The following CHMP4C variants were observed in gnomAD, a reference collection of about 807,000 sequenced individuals.
The protein encoded by CHMP4C is SNF7 homolog associated with Alix 3.
Under a neutral mutation model 29.0 loss-of-function variants are expected in CHMP4C, and 28 were observed. The observed-to-expected ratio is 0.97, with a 90% confidence interval of 0.72 to 1.32. The LOEUF (loss-of-function observed/expected upper bound fraction) is 1.32. Ranked by LOEUF, CHMP4C falls within the 40% of genes most tolerant of loss-of-function variation. The pLI is 0.00. For synonymous variants in CHMP4C, 106 were observed against 102.4 expected (o/e 1.04, Z -0.21); for missense variants, 291 against 281.0 (o/e 1.04, Z -0.25).
intron 2 of CHMP4C, 94 bp from the exon 3 acceptor site, chr8:81,755,274 TTA>T: frequency 7.6e-6 from 4 of 527,024 alleles, no homozygotes; most frequent in South Asian, 3.9e-5. Context: ...AACTAAGAAT[TTA>T]TATTAAATGA....
chr8:81,755,115 G>A (rs1336315028), intron 2 of CHMP4C, among the ~76,000 whole-genome samples: 5 of 152,018 alleles, frequency 3.3e-5, no homozygotes, highest in African/African-American at 4.8e-5. Context: ...TACAAATAGT[G>A]ATAGTTATAA....
chr8:81,752,468 T>C (rs1460201744), intron 1 of CHMP4C, among the ~76,000 whole-genome samples: 2 of 152,176 alleles, frequency 1.3e-5, no homozygotes, highest in African/African-American at 4.8e-5. Flanking sequence ...TTGTGCCATC[T>C]AATCCTTGAA....
intron 1 of CHMP4C, 171 bp downstream of exon 1, chr8:81,732,987 A>G (rs1200879112): frequency 6.0e-6 from 3 of 498,536 alleles, no homozygotes; most frequent in East Asian, 6.5e-5. Flanking sequence ...TGAGCTAGAC[A>G]CTGGCACTGA....
In CHMP4C at chr8:81,758,586, T is replaced by C; in HGVS notation, c.*42T>C. The C allele has an allele frequency of 1.6e-6, 2 of 1,278,204 alleles. No individual in the cohort carries two copies. The highest frequency in any genetic ancestry group is 2.3e-6 in the Non-Finnish European group (2 of 882,904). 79.2% of individuals were successfully genotyped at this position (1,278,204 alleles called of 1,614,324 possible). On this transcript the variant is annotated 3_prime_UTR_variant, in exon 5 of 5. Coordinates refer to ENST00000297265, the MANE Select transcript of CHMP4C (RefSeq NM_152284.4). ...GATACCTAAATTAATGAGCTATAGA[T>C]AAAATATAAAAAATGTTTTTACCAA... is the stretch of plus-strand genomic sequence containing the variant.
At chr8:81,755,615 G>A (rs1005472389) in intron 3 of CHMP4C, 131 bp downstream of exon 3, 1 of 522,482 alleles carries the variant, frequency 1.9e-6, no homozygotes, top group Non-Finnish European at 3.4e-6. Context: ...CTTCTCTTAA[G>A]AGAAAAATAA....
chr8:81,743,883 T>C (rs1774706610), intron 1 of CHMP4C, among the ~76,000 whole-genome samples: 1 of 152,214 alleles, frequency 6.6e-6, no homozygotes, highest in Non-Finnish European at 1.5e-5. Context: ...GAGAGGGCAC[T>C]GATCAGCCAG....
chr8:81,753,003 A>G (rs1808925834), intron 1 of CHMP4C, 61 bp from the exon 2 acceptor site: 3 of 1,438,278 alleles, frequency 2.1e-6, no homozygotes, highest in Middle Eastern at 1.8e-4. Context: ...TGCTGAGCAA[A>G]CATCTCTTGA....
At position 81,753,166 on chromosome 8, in the gene CHMP4C, A is replaced by C. The variant is rs751281896; in HGVS notation, c.293A>C (p.Asn98Thr). 16 of 1,612,610 alleles carry C rather than the reference A, an allele frequency of 9.9e-6. No individual in the cohort carries two copies. The highest frequency in any genetic ancestry group is 1.4e-5 in the Non-Finnish European group (16 of 1,179,104). ...GAGTTCCAGAGAGAAGCCCTGGAGA[A>C]CTCACACACCAACACTGAGGTGTTG... ...TIEFQREALE[N>T]SHTNTEVLRN... is the part of the protein sequence containing the mutation. The change falls in exon 2 of 5, where the codon AAC becomes ACC. Residue 98 changes from asparagine (N) to threonine (T), a missense_variant. Coordinates refer to ENST00000297265, the MANE Select transcript of CHMP4C (RefSeq NM_152284.4).
chr8:81,758,007 T>G (rs1808991821), intron 3 of CHMP4C, 135 bp from the exon 4 acceptor site: 1 of 803,446 alleles, frequency 1.2e-6, no homozygotes, highest in South Asian at 1.9e-5. Flanking sequence ...AAAAAAGACT[T>G]AGTTTTAAAA....
intron 1 of CHMP4C, among the ~76,000 whole-genome samples, chr8:81,742,543 T>G (rs1190889847): frequency 1.3e-5 from 2 of 152,226 alleles, no homozygotes; most frequent in African/African-American, 2.4e-5. Context: ...TTATTCTTTA[T>G]TTAAATATGA....
chr8:81,756,854 G>A (rs1808979307), intron 3 of CHMP4C, among the ~76,000 whole-genome samples: 1 of 152,124 alleles, frequency 6.6e-6, no homozygotes, highest in African/African-American at 2.4e-5. Context: ...GCAGAAATAG[G>A]ACGCCAGGGT....
intron 1 of CHMP4C, among the ~76,000 whole-genome samples, chr8:81,742,088 G>A (rs1808768811): frequency 6.6e-6 from 1 of 152,308 alleles, no homozygotes; most frequent in East Asian, 1.9e-4. Context: ...GTTTAAAGCA[G>A]TAAGAGCTAT....
chr8:81,744,396 T>C (rs767324771), intron 1 of CHMP4C, among the ~76,000 whole-genome samples: 1 of 152,198 alleles, frequency 6.6e-6, no homozygotes, highest in Non-Finnish European at 1.5e-5. Context: ...TATTTATCAA[T>C]GTGTTGAGTA....
At chr8:81,737,984 T>C (rs1230293271) in intron 1 of CHMP4C, among the ~76,000 whole-genome samples, 1 of 152,166 alleles carries the variant, frequency 6.6e-6, no homozygotes, top group Non-Finnish European at 1.5e-5. Context: ...CTTGCCTACC[T>C]TTTTCACCCT....
chr8:81,751,825 C>T (rs971386098), intron 1 of CHMP4C, among the ~76,000 whole-genome samples: 5 of 151,678 alleles, frequency 3.3e-5, no homozygotes, highest in African/African-American at 1.2e-4. Flanking sequence ...ACTCATGTAG[C>T]GAAATATAGG....
intron 1 of CHMP4C, among the ~76,000 whole-genome samples, chr8:81,748,452 A>G (rs1032760945): frequency 4.6e-5 from 7 of 152,236 alleles, no homozygotes; most frequent in Admixed American, 3.3e-4. Flanking sequence ...TAGAGATTGC[A>G]GTAAAGACAG....
At chr8:81,737,983 C>G (rs988683775) in intron 1 of CHMP4C, among the ~76,000 whole-genome samples, 6 of 152,134 alleles carry the variant, frequency 3.9e-5, no homozygotes, top group Non-Finnish European at 8.8e-5. Flanking sequence ...CCTTGCCTAC[C>G]TTTTTCACCC....
chr8:81,753,328 T>G (rs951393086), intron 2 of CHMP4C, 87 bp downstream of exon 2: 14 of 1,007,994 alleles, frequency 1.4e-5, no homozygotes, highest in Non-Finnish European at 1.8e-5. Context: ...TTGGCAGGAA[T>G]GGGTTTACTC....
chr8:81,733,783 C>T (rs1342777905), intron 1 of CHMP4C, among the ~76,000 whole-genome samples: 2 of 152,142 alleles, frequency 1.3e-5, no homozygotes, highest in East Asian at 1.9e-4. Context: ...TCATGGCAGA[C>T]CCAGAAAAGG....
Sources: allele counts gnomAD v4.1 joint callset (sites outside exome capture counted in the v4.1 genomes callset), GRCh38; gene constraint gnomAD v4.1.1; transcripts MANE v1.5; gene names NCBI Gene and HGNC (gene_info 2026-07-23, HGNC 2026-07-21).